The following FGFR1OP2 variants were observed in gnomAD, a reference collection of about 807,000 sequenced individuals.
FGFR1OP2 encodes the protein FGFR1 oncogene partner 2.
A neutral mutation model predicts 35.2 loss-of-function variants in FGFR1OP2; 17 were observed. The observed-to-expected ratio is 0.48, with a 90% CI of 0.33 to 0.73. FGFR1OP2 has a LOEUF of 0.73. Among genes scored for constraint, FGFR1OP2 ranks in the 30% least tolerant of loss-of-function variants. The pLI, the probability that FGFR1OP2 is intolerant of heterozygous loss-of-function variation, is 0.02. For missense variants in FGFR1OP2, 251 were observed against 307.3 expected (o/e 0.82, Z 1.37); for synonymous variants, 105 against 104.6 (o/e 1.00, Z -0.03).
Position 26,956,206 on chromosome 12 carries a change from G to A in FGFR1OP2, c.136-337G>A, listed in dbSNP as rs142297006. Among the ~76,000 whole-genome samples, 7 of 152,054 alleles carry A rather than the reference G, an allele frequency of 4.6e-5. 1 individual carries two copies. The highest frequency in any genetic ancestry group is 1.4e-4 in the African/African-American group (6 of 41,504). ...TTTCTTCACATCCTCTCCAACAATTGTTATTGTCTTTTTCATTACAGTCAT... is the reference window on the plus strand; with the variant it reads ...TTTCTTCACATCCTCTCCAACAATTATTATTGTCTTTTTCATTACAGTCAT... On this transcript the variant is annotated intron_variant, in intron 2 of 6. Coordinates refer to ENST00000229395, the MANE Select transcript of FGFR1OP2 (RefSeq NM_015633.3).
intron 1 of FGFR1OP2, among the ~76,000 whole-genome samples, chr12:26,953,310 G>GAGGGGA (rs1555211696): frequency 4.1e-5 from 6 of 147,414 alleles, no homozygotes; most frequent in South Asian, 4.2e-4. Context: ...AGATTTCAAG[G>GAGGGGA]AGGGTAAGTG....
At chr12:26,943,807 G>A (rs762342177) in intron 1 of FGFR1OP2, among the ~76,000 whole-genome samples, 1 of 152,082 alleles carries the variant, frequency 6.6e-6, no homozygotes, top group Non-Finnish European at 1.5e-5. Flanking sequence ...CAGCCTGGGC[G>A]ACAGACTAAG....
intron 1 of FGFR1OP2, among the ~76,000 whole-genome samples, chr12:26,943,824 T>C (rs959040706): frequency 6.6e-6 from 1 of 152,072 alleles, no homozygotes; most frequent in African/African-American, 2.4e-5. Context: ...TAAGACTCTG[T>C]CTCAAAAAAA....
chr12:26,963,072 TGTG>T (rs1939125921), intron 5 of FGFR1OP2: 1 of 258,806 alleles, frequency 3.9e-6, no homozygotes, highest in South Asian at 1.2e-4. Context: ...TGCTGATCAT[TGTG>T]GTGAGAGGAA....
In FGFR1OP2 at chr12:26,962,408, T is replaced by G. The variant is rs553476261; in HGVS notation, c.511-934T>G. 9.8e-5 allele frequency: 15 copies of G among 152,334 alleles called. No individual in the cohort carries two copies. The East Asian group carries it at 2.7e-3, about 27-fold the overall frequency. 9.4% of individuals were successfully genotyped at this position (152,334 alleles called of 1,614,324 possible). ...ACACAACTACTGAAGAGACTGTTTA[T>G]TTGGGGAGTTATTCACTTTTATATT... On this transcript the variant is annotated intron_variant, in intron 5 of 6. Coordinates refer to ENST00000229395, the MANE Select transcript of FGFR1OP2 (RefSeq NM_015633.3).
chr12:26,949,430 C>A (rs371886196), intron 1 of FGFR1OP2, among the ~76,000 whole-genome samples: 2 of 152,078 alleles, frequency 1.3e-5, no homozygotes, highest in African/African-American at 4.8e-5. Context: ...CCACACCTGG[C>A]CTACAGTTTT....
intron 4 of FGFR1OP2, 36 bp downstream of exon 4, chr12:26,957,779 A>G: frequency 6.5e-7 from 1 of 1,545,466 alleles, no homozygotes; most frequent in Non-Finnish European, 8.7e-7. Context: ...GAAATGGAAA[A>G]GAGAGACGAT....
chr12:26,956,447 T>C (rs559373543), intron 2 of FGFR1OP2, 96 bp from the exon 3 acceptor site: 2 of 253,984 alleles, frequency 7.9e-6, no homozygotes, highest in East Asian at 2.2e-4. Context: ...ATTTTTTATA[T>C]GTATATTTCA....
At position 26,965,684 on chromosome 12, in the gene FGFR1OP2, T is replaced by C. The variant is rs1293130240; in HGVS notation, c.*951T>C. On this transcript the variant is annotated 3_prime_UTR_variant, in exon 7 of 7. Transcript: ENST00000229395. The stretch of plus-strand genomic sequence containing the variant: ...TACAAAAAAAAAAAGTAAATACAAT[T>C]TCAAAAAAAAAGTTCCGGATCTGTT... The C allele has an allele frequency of 1.3e-5, 2 of 151,978 alleles. No individual in the cohort carries two copies. Among genetic ancestry groups the C allele is most frequent in the African/African-American group, 2.4e-5 (1 of 41,380 alleles). 9.4% of individuals were successfully genotyped at this position (151,978 alleles called of 1,614,324 possible).
chr12:26,951,842 A>G (rs1938933504), intron 1 of FGFR1OP2, among the ~76,000 whole-genome samples: 1 of 152,164 alleles, frequency 6.6e-6, no homozygotes, highest in Admixed American at 6.5e-5. Context: ...TTAGTGTGTA[A>G]AGAAGGGTTC....
intron 1 of FGFR1OP2, among the ~76,000 whole-genome samples, chr12:26,944,765 G>C (rs75713800): frequency 0.023 from 3,450 of 152,140 alleles, 57 homozygotes; most frequent in Middle Eastern, 0.072. Context: ...ATTTTTTTAA[G>C]AGATTGTATA....
At chr12:26,940,820 A>G (rs1938722991) in intron 1 of FGFR1OP2, among the ~76,000 whole-genome samples, 1 of 152,176 alleles carries the variant, frequency 6.6e-6, no homozygotes, top group Non-Finnish European at 1.5e-5. Flanking sequence ...AATTACCTAG[A>G]AAATATTTGA....
intron 5 of FGFR1OP2, chr12:26,963,117 GT>G: frequency 2.8e-6 from 1 of 352,872 alleles, no homozygotes; most frequent in Non-Finnish European, 5.1e-6. Context: ...TTGCTGCTAG[GT>G]TTAGTTATAT....
intron 3 of FGFR1OP2, among the ~76,000 whole-genome samples, chr12:26,957,296 C>T (rs1309715252): frequency 6.6e-6 from 1 of 152,206 alleles, no homozygotes; most frequent in Non-Finnish European, 1.5e-5. Context: ...CACTCTGCCA[C>T]CTACCACATG....
intron 1 of FGFR1OP2, among the ~76,000 whole-genome samples, chr12:26,945,743 C>T (rs1565847050): frequency 6.6e-6 from 1 of 152,024 alleles, no homozygotes; most frequent in Non-Finnish European, 1.5e-5. Flanking sequence ...AGCCTGTAAT[C>T]CCAGCCACTC....
Position 26,966,094 on chromosome 12 carries a change from A to G in FGFR1OP2, c.*1361A>G, listed in dbSNP as rs2136363966. ...ATAATTTCATATATTGGTAAAATTC[A>G]AAACTACACTTGAGAATTTTTTTAT... On this transcript the variant is annotated 3_prime_UTR_variant, in exon 7 of 7. Coordinates refer to ENST00000229395, the MANE Select transcript of FGFR1OP2 (RefSeq NM_015633.3). 6.6e-6 allele frequency: 1 copy of G among 152,218 alleles called. No homozygotes were observed. Among genetic ancestry groups the G allele is most frequent in the African/African-American group, 2.4e-5 (1 of 41,588 alleles). The allele number at this position is 152,218 out of a possible 1,614,324, so 9.4% of individuals were successfully genotyped here. A position where few individuals can be genotyped will look rare whatever the true frequency, so the allele number is the denominator to read the frequency against.
chr12:26,941,839 A>G (rs1025467039), intron 1 of FGFR1OP2, among the ~76,000 whole-genome samples: 1 of 152,160 alleles, frequency 6.6e-6, no homozygotes. Flanking sequence ...TGTGTTGGGT[A>G]GGGTCAGAGA....
chr12:26,951,702 C>G (rs984223891), intron 1 of FGFR1OP2, among the ~76,000 whole-genome samples: 1 of 152,042 alleles, frequency 6.6e-6, no homozygotes, highest in African/African-American at 2.4e-5. Flanking sequence ...TTTTTGTACT[C>G]AAAAAGATTT....
chr12:26,955,082 C>G (rs1042277197), intron 2 of FGFR1OP2, among the ~76,000 whole-genome samples: 3 of 152,124 alleles, frequency 2.0e-5, no homozygotes, highest in Non-Finnish European at 2.9e-5. Context: ...CTGTGTTGCC[C>G]TAAACAGATT....
Sources: allele counts gnomAD v4.1 joint callset (sites outside exome capture counted in the v4.1 genomes callset), GRCh38; gene constraint gnomAD v4.1.1; transcripts MANE v1.5; gene names NCBI Gene and HGNC (gene_info 2026-07-23, HGNC 2026-07-21).